The following ASPSCR1 variants were observed in gnomAD, a reference collection of about 807,000 sequenced individuals.
ASPSCR1 encodes the protein ASPSCR1 tether for SLC2A4, UBX domain containing.
Under a neutral mutation model 68.9 loss-of-function variants are expected in ASPSCR1, and 55 were observed. The observed-to-expected ratio is 0.80, with a 90% CI of 0.64 to 1.00. The LOEUF (loss-of-function observed/expected upper bound fraction) is 1.00. ASPSCR1 is among the 50% of genes least tolerant of loss of function. The pLI is 0.00. For missense variants in ASPSCR1, 765 were observed against 762.2 expected, an observed-to-expected ratio of 1.00 and a Z score of -0.04; for synonymous variants, 352 against 332.6, an observed-to-expected ratio of 1.06 and a Z score of -0.63.
At chr17:81,997,744 C>T (rs1216749335) in intron 7 of ASPSCR1, among the ~76,000 whole-genome samples, 1 of 151,988 alleles carries the variant, frequency 6.6e-6, no homozygotes, top group Non-Finnish European at 1.5e-5. Context: ...CCACCTCGGC[C>T]TCCCAAAGTG....
At chr17:82,004,193 C>T (rs1040466546) in intron 7 of ASPSCR1, among the ~76,000 whole-genome samples, 2 of 152,248 alleles carry the variant, frequency 1.3e-5, no homozygotes, top group Admixed American at 1.3e-4. Flanking sequence ...CAGCCTCCCT[C>T]CCCTCGGTTT....
intron 7 of ASPSCR1, chr17:82,006,407 G>A (rs772075889): frequency 3.9e-5 from 6 of 152,236 alleles, no homozygotes; most frequent in Admixed American, 6.5e-5. Flanking sequence ...GCCCCAGAGC[G>A]GAAGGAAAGT....
chr17:82,016,558 AG>A (rs1397193855), intron 13 of ASPSCR1, 31 bp downstream of exon 13: 1 of 1,549,012 alleles, frequency 6.5e-7, no homozygotes, highest in Non-Finnish European at 8.7e-7. Flanking sequence ...CCAGTGTCGG[AG>A]TCCAGCCAGC....
Position 82,010,795 on chromosome 17 carries a change from G to C in ASPSCR1, c.1171-7G>C. ...GTCCCTCCAACCCTTCCACTTGTCT[G>C]GCCTAGGTGGCTCTGAGGGTCCTGT... On this transcript the variant is annotated splice_region_variant and splice_polypyrimidine_tract_variant and intron_variant, in intron 9 of 15. Coordinates refer to ENST00000306739, the MANE Select transcript of ASPSCR1 (RefSeq NM_024083.4). 1 of 1,612,986 alleles carries C rather than the reference G, an allele frequency of 6.2e-7. No individual in the cohort carries two copies. Among genetic ancestry groups the C allele is most frequent in the Non-Finnish European group, 8.5e-7 (1 of 1,179,722 alleles).
intron 2 of ASPSCR1, among the ~76,000 whole-genome samples, chr17:81,982,350 G>A (rs2041821665): frequency 6.6e-6 from 1 of 152,362 alleles, no homozygotes; most frequent in Non-Finnish European, 1.5e-5. Context: ...TTTTGAGGCA[G>A]GTCCTGCAAT....
intron 9 of ASPSCR1, chr17:82,009,779 G>A: frequency 2.2e-6 from 1 of 455,812 alleles, no homozygotes; most frequent in Non-Finnish European, 4.0e-6. Flanking sequence ...GTACAGCTCT[G>A]AGGGGGCCCC....
At position 81,986,624 on chromosome 17, in the gene ASPSCR1, CA is replaced by C. The variant is rs1444037321; in HGVS notation, c.374+1018del. ...CTTGGGGCTGGGGTTTGCTGTGAGC[CA>C]GGGGGTTCTCGCCCTCCCCGGGCCT... On this transcript the variant is annotated intron_variant, in intron 4 of 15. Transcript: ENST00000306739. The surrounding 1 kb of genome is among the most constrained non-coding windows in gnomAD (Gnocchi z 5.2). Among the ~76,000 whole-genome samples the C allele has an allele frequency of 1.3e-5, 2 of 151,352 alleles. No homozygotes were observed. Among genetic ancestry groups the C allele is most frequent in the South Asian group, 2.1e-4 (1 of 4,788 alleles).
intron 2 of ASPSCR1, among the ~76,000 whole-genome samples, chr17:81,982,398 A>G (rs1479804316): frequency 2.6e-5 from 4 of 152,186 alleles, no homozygotes; most frequent in African/African-American, 9.7e-5. Flanking sequence ...TTCCTCTGCT[A>G]ATGGTACCAC....
chr17:81,989,945 G>A (rs1352530848), intron 4 of ASPSCR1, among the ~76,000 whole-genome samples: 1 of 152,248 alleles, frequency 6.6e-6, no homozygotes, highest in East Asian at 1.9e-4. Context: ...ACGCCATCAC[G>A]CCTGGCTAAT....
intron 4 of ASPSCR1, 33 bp downstream of exon 4, chr17:81,985,640 C>G: frequency 6.3e-7 from 1 of 1,591,094 alleles, no homozygotes; most frequent in South Asian, 1.1e-5. Context: ...CTCTTCCCTA[C>G]CCTGTTTGCT....
intron 7 of ASPSCR1, among the ~76,000 whole-genome samples, chr17:82,001,952 A>G (rs1222394895): frequency 6.6e-6 from 1 of 150,908 alleles, no homozygotes; most frequent in African/African-American, 2.4e-5. Flanking sequence ...CCCAGGCTGC[A>G]GCAGTCCTGA....
At chr17:81,978,063 G>A (rs2041667584) in intron 1 of ASPSCR1, 1 of 197,942 alleles carries the variant, frequency 5.1e-6, no homozygotes, top group Non-Finnish European at 1.0e-5. Context: ...CGGGAAGAGG[G>A]AGGAGTGGAG....
chr17:81,982,093 C>G (rs896075613), intron 2 of ASPSCR1, among the ~76,000 whole-genome samples: 1 of 151,576 alleles, frequency 6.6e-6, no homozygotes, highest in Non-Finnish European at 1.5e-5. Flanking sequence ...TTCAGCCTCC[C>G]GAGTAGCTGG....
Position 81,986,191 on chromosome 17 carries a change from A to C in ASPSCR1, c.374+584A>C, listed in dbSNP as rs1315688989. Among the ~76,000 whole-genome samples, 1 of 152,174 alleles carries C rather than the reference A, an allele frequency of 6.6e-6. No individual in the cohort carries two copies. Among genetic ancestry groups the C allele is most frequent in the Non-Finnish European group, 1.5e-5 (1 of 68,040 alleles). On this transcript the variant is annotated intron_variant, in intron 4 of 15. Transcript: ENST00000306739. The surrounding 1 kb of genome is among the most constrained non-coding windows in gnomAD (Gnocchi z 5.2). Reference sequence around the variant, plus strand: ...AAGTGGCTTGCACTTTGGAAGGCCGAGGCTGGCGAATCGCTTGAGCTCATG... The same window carrying C: ...AAGTGGCTTGCACTTTGGAAGGCCGCGGCTGGCGAATCGCTTGAGCTCATG...
intron 7 of ASPSCR1, chr17:82,008,662 T>G (rs1249457503): frequency 5.2e-6 from 1 of 190,994 alleles, no homozygotes; most frequent in African/African-American, 2.3e-5. Flanking sequence ...GCAGCTGGAC[T>G]GGGGTTTTTG....
Position 82,010,925 on chromosome 17 carries a change from C to T in ASPSCR1, c.1237+57C>T, listed in dbSNP as rs1040329879. 807 of 1,575,256 alleles carry T rather than the reference C, an allele frequency of 5.1e-4. 1 individual carries two copies. Among genetic ancestry groups the T allele is most frequent in the Non-Finnish European group, 4.5e-4 (516 of 1,156,118 alleles). On this transcript the variant is annotated intron_variant, in intron 10 of 15. Coordinates refer to ENST00000306739, the MANE Select transcript of ASPSCR1 (RefSeq NM_024083.4). The stretch of plus-strand genomic sequence containing the variant: ...GGGGCAGGGGCCCATGGGGCCTCTC[C>T]CGGCTCCTTCCTTCCAGGCCACAGG...
chr17:81,994,158 A>G lies in ASPSCR1; in HGVS notation c.375-663A>G, dbSNP rs117733742. Among the ~76,000 whole-genome samples the G allele has an allele frequency of 1.1e-3, 162 of 152,284 alleles. 2 individuals carry two copies. The East Asian group carries it at 0.026, about 24-fold the overall frequency. ...GCCATGCACATCAGGCATGTGTGGG[A>G]GGCGTGCTGCATATACCTGCCCACC... is the stretch of plus-strand genomic sequence containing the variant. On this transcript the variant is annotated intron_variant, in intron 4 of 15. Coordinates refer to ENST00000306739, the MANE Select transcript of ASPSCR1 (RefSeq NM_024083.4).
intron 12 of ASPSCR1, 46 bp downstream of exon 12, chr17:82,012,329 G>T: frequency 6.3e-7 from 1 of 1,585,004 alleles, no homozygotes; most frequent in Non-Finnish European, 8.7e-7. Flanking sequence ...GGCCCTCCAG[G>T]GAGGGCAGGA....
intron 9 of ASPSCR1, 81 bp from the exon 10 acceptor site, chr17:82,010,721 A>G (rs2144092531): frequency 6.9e-7 from 1 of 1,444,626 alleles, no homozygotes; most frequent in South Asian, 1.1e-5. Flanking sequence ...ATGGCCCAGC[A>G]TGGGCCGAGT....
Sources: gnomAD v4.1 joint callset for allele counts (sites outside exome capture counted in the v4.1 genomes callset) on GRCh38, gnomAD v4.1.1 for gene constraint, Gnocchi (gnomAD v3.1) non-coding constraint, MANE v1.5 for transcripts, NCBI Gene and HGNC (gene_info 2026-07-23, HGNC 2026-07-21) for gene names.